LAMA3: variants seen among roughly 807,000 people sequenced by gnomAD.
LAMA3 encodes laminin subunit alpha-3.
A neutral mutation model predicts 402.0 loss-of-function variants in LAMA3; 281 were observed. The ratio of observed to expected loss-of-function variants is 0.70; its 90% CI spans 0.63 to 0.77. The LOEUF (loss-of-function observed/expected upper bound fraction) is 0.77. Ranked by LOEUF, LAMA3 falls within the 30% of genes least tolerant of loss-of-function variation. LAMA3 has a pLI of 0.00. For synonymous variants in LAMA3, 1,431 were observed against 1,558.4 expected, an observed-to-expected ratio of 0.92 and a Z score of 1.93; for missense variants, 3,840 against 4,215.5, an observed-to-expected ratio of 0.91 and a Z score of 2.47.
At chr18:23,721,828 A>G (rs1158012372) in intron 2 of LAMA3, among the ~76,000 whole-genome samples, 1 of 152,192 alleles carries the variant, frequency 6.6e-6, no homozygotes, top group Non-Finnish European at 1.5e-5. Flanking sequence ...CTGTTTTAGA[A>G]TCAGCCTGAA....
chr18:23,954,713 T>C lies in LAMA3; in HGVS notation c.*65T>C. 1.3e-6 allele frequency: 2 copies of C among 1,510,108 alleles called. No individual in the cohort carries two copies. The highest frequency in any genetic ancestry group is 9.2e-7 in the Non-Finnish European group (1 of 1,085,956). 93.5% of individuals were successfully genotyped at this position (1,510,108 alleles called of 1,614,324 possible). A position where few individuals can be genotyped will look rare whatever the true frequency, so the allele number is the denominator to read the frequency against. ...GCACTGATTACCCAATGCACCTCCC[T>C]CCCCAGCTCGAGATCATTCTTCACT... is the stretch of plus-strand genomic sequence containing the variant. On this transcript the variant is annotated 3_prime_UTR_variant, in exon 75 of 75. Coordinates refer to ENST00000313654, the MANE Select transcript of LAMA3 (RefSeq NM_198129.4).
intron 2 of LAMA3, among the ~76,000 whole-genome samples, chr18:23,724,813 G>C (rs1175499650): frequency 6.6e-6 from 1 of 152,058 alleles, no homozygotes; most frequent in Non-Finnish European, 1.5e-5. Flanking sequence ...GTTAAATGTG[G>C]CGTCTCAGGG....
intron 13 of LAMA3, among the ~76,000 whole-genome samples, chr18:23,811,140 C>G (rs761817842): frequency 6.6e-6 from 1 of 152,134 alleles, no homozygotes; most frequent in Non-Finnish European, 1.5e-5. Flanking sequence ...TGGTATTCAT[C>G]CCTCTGTTGA....
At position 23,921,488 on chromosome 18, in the gene LAMA3, T is replaced by C; in HGVS notation, c.8080T>C (p.Trp2694Arg). Residue 2694 changes from tryptophan to arginine, a missense_variant, in exon 62 of 75, where the codon TGG becomes CGG. Transcript: ENST00000313654. The part of the protein sequence containing the change: ...IKIGKLQKRM[W>R]INVDVQNTII... Reference sequence around the variant, plus strand: ...AATTGGAAAACTCCAAAAGCGTATGTGGATAAATGTGGACGTTCAAAACAC... The same window carrying C: ...AATTGGAAAACTCCAAAAGCGTATGCGGATAAATGTGGACGTTCAAAACAC... 1 of 1,613,842 alleles carries C rather than the reference T, an allele frequency of 6.2e-7. No homozygotes were observed. The highest frequency in any genetic ancestry group is 8.5e-7 in the Non-Finnish European group (1 of 1,179,816).
chr18:23,816,175 G>T (rs945735725), intron 17 of LAMA3, among the ~76,000 whole-genome samples: 7 of 152,180 alleles, frequency 4.6e-5, no homozygotes, highest in Non-Finnish European at 1.0e-4. Flanking sequence ...TTTGGTTTTG[G>T]TTTTTGTGGT....
At chr18:23,696,426 T>C (rs576194772) in intron 1 of LAMA3, among the ~76,000 whole-genome samples, 2 of 152,224 alleles carry the variant, frequency 1.3e-5, no homozygotes, top group Non-Finnish European at 2.9e-5. Flanking sequence ...CTAGGTAAAC[T>C]TATTAGACTT....
At chr18:23,821,832 T>C (rs1352802144) in intron 19 of LAMA3, among the ~76,000 whole-genome samples, 1 of 152,258 alleles carries the variant, frequency 6.6e-6, no homozygotes, top group Non-Finnish European at 1.5e-5. Flanking sequence ...AAGCGGACTC[T>C]GAAGCAGTCT....
intron 2 of LAMA3, among the ~76,000 whole-genome samples, chr18:23,728,452 T>C (rs1442781600): frequency 6.6e-6 from 1 of 152,208 alleles, no homozygotes; most frequent in African/African-American, 2.4e-5. Context: ...GCTCCAGCTC[T>C]GTCTGGGATC....
intron 30 of LAMA3, among the ~76,000 whole-genome samples, chr18:23,845,480 A>G (rs2063794847): frequency 6.6e-6 from 1 of 152,224 alleles, no homozygotes; most frequent in Admixed American, 6.5e-5. Flanking sequence ...ACTGGGAAGG[A>G]CATCAGCCCT....
chr18:23,921,568 A>G lies in LAMA3; in HGVS notation c.8160A>G (p.Pro2720=), dbSNP rs373380002. ...GCACATATTATCTGGGAGGAATTCC[A>G]ATTGCAATCAGGGAAAGGTAAGATG... ...DFSTYYLGGI[P]IAIRERFNIS... is the part of the protein sequence containing the mutation. The change falls in exon 62 of 75, where the codon CCA becomes CCG. Residue 2720 remains proline (P), a synonymous_variant. Transcript: ENST00000313654. 14 of 1,613,848 alleles carry G rather than the reference A, an allele frequency of 8.7e-6. No individual in the cohort carries two copies. Among genetic ancestry groups the G allele is most frequent in the African/African-American group, 1.3e-5 (1 of 74,928 alleles).
intron 1 of LAMA3, among the ~76,000 whole-genome samples, chr18:23,701,548 C>T (rs1285146717): frequency 6.6e-6 from 1 of 152,190 alleles, no homozygotes; most frequent in Non-Finnish European, 1.5e-5. Flanking sequence ...TAGTTTCTGC[C>T]ATTTTAATTT....
At position 23,763,390 on chromosome 18, in the gene LAMA3, A is replaced by T. The variant is rs7232856; in HGVS notation, c.1064-15A>T. On this transcript the variant is annotated splice_polypyrimidine_tract_variant and intron_variant, in intron 7 of 74. Coordinates refer to ENST00000313654, the MANE Select transcript of LAMA3 (RefSeq NM_198129.4). ...GTAATAATGAGAATATTGACTTATT[A>T]TGCTTTTTTTTCAGCATGCAACTGC... 638 of 1,480,950 alleles carry T rather than the reference A, an allele frequency of 4.3e-4. 4 individuals carry two copies. In the African/African-American group the frequency reaches 8.0e-3, roughly 19 times the overall value. The allele number at this position is 1,480,950 out of a possible 1,614,324, so 91.7% of individuals were successfully genotyped here. A position where few individuals can be genotyped will look rare whatever the true frequency, so the allele number is the denominator to read the frequency against.
At chr18:23,785,675 C>G (rs2062530056) in intron 12 of LAMA3, among the ~76,000 whole-genome samples, 1 of 152,204 alleles carries the variant, frequency 6.6e-6, no homozygotes, top group Admixed American at 6.5e-5. Context: ...TGTTTAAATG[C>G]CTGAATCCCA....
At chr18:23,771,131 T>C (rs1159719870) in intron 8 of LAMA3, among the ~76,000 whole-genome samples, 1 of 152,184 alleles carries the variant, frequency 6.6e-6, no homozygotes, top group Non-Finnish European at 1.5e-5. Context: ...TTTATGCAAA[T>C]ACCCCCAACT....
intron 74 of LAMA3, among the ~76,000 whole-genome samples, chr18:23,953,337 TG>T (rs1331689469): frequency 1.2e-4 from 14 of 113,892 alleles, no homozygotes; most frequent in African/African-American, 2.9e-4. Context: ...TTTTTTTTTT[TG>T]TTTTTTTTTT....
intron 33 of LAMA3, among the ~76,000 whole-genome samples, 195 bp from the exon 34 acceptor site, chr18:23,858,494 C>T (rs2064138037): frequency 6.6e-6 from 1 of 152,146 alleles, no homozygotes; most frequent in South Asian, 2.1e-4. Context: ...AGAATTCTCT[C>T]CTCCATTTGT....
In LAMA3 at chr18:23,949,941, T is replaced by C. The variant is rs763784750; in HGVS notation, c.9511+17T>C. 3.7e-5 allele frequency: 59 copies of C among 1,613,998 alleles called. 1 individual carries two copies. The Middle Eastern group carries it at 5.6e-3, about 153-fold the overall frequency. On this transcript the variant is annotated intron_variant, in intron 71 of 74. Coordinates refer to ENST00000313654, the MANE Select transcript of LAMA3 (RefSeq NM_198129.4). ...TCGTCTTGGGTAAGGAGCAGTTCTATAGAATTTAAGTCTTTGCATCTTAAG... is the reference window on the plus strand; with the variant it reads ...TCGTCTTGGGTAAGGAGCAGTTCTACAGAATTTAAGTCTTTGCATCTTAAG...
chr18:23,936,286 C>T (rs1223189503), intron 67 of LAMA3, among the ~76,000 whole-genome samples: 1 of 151,206 alleles, frequency 6.6e-6, no homozygotes, highest in African/African-American at 2.4e-5. Flanking sequence ...ATGTGCACAA[C>T]GTGCAGGTTT....
At chr18:23,875,102 T>G (rs746473567) in intron 38 of LAMA3, among the ~76,000 whole-genome samples, 1 of 152,172 alleles carries the variant, frequency 6.6e-6, no homozygotes, top group Non-Finnish European at 1.5e-5. Context: ...TGGGCTCAAG[T>G]GATCCACCCG....
Sources: gnomAD v4.1 joint callset for allele counts (sites outside exome capture counted in the v4.1 genomes callset) on GRCh38, gnomAD v4.1.1 for gene constraint, MANE v1.5 for transcripts, NCBI Gene and HGNC (gene_info 2026-07-23, HGNC 2026-07-21) for gene names.